Variants in CTIF observed in about 807,000 individuals in gnomAD.
CTIF encodes cap binding complex dependent translation initiation factor.
CTIF carries 21 observed loss-of-function variants against 66.0 expected under a neutral mutation model. The observed-to-expected ratio is 0.32, with a 90% CI of 0.23 to 0.46. The LOEUF is 0.46. CTIF is among the 20% of genes least tolerant of loss of function. CTIF has a pLI of 1.00. For synonymous variants in CTIF, 345 were observed against 326.4 expected (o/e 1.06, Z -0.62); for missense variants, 739 against 812.7 (o/e 0.91, Z 1.10).
intron 3 of CTIF, among the ~76,000 whole-genome samples, chr18:48,650,235 A>C (rs933677490): frequency 1.3e-5 from 2 of 152,232 alleles, no homozygotes; most frequent in Non-Finnish European, 2.9e-5. Flanking sequence ...CCCTTGAAAA[A>C]AGATTAGACA....
At chr18:48,546,977 G>A (rs1381654272) in intron 1 of CTIF, among the ~76,000 whole-genome samples, 1 of 152,236 alleles carries the variant, frequency 6.6e-6, no homozygotes, top group African/African-American at 2.4e-5. Context: ...TTGGGGGCCA[G>A]TGTCTTCCTG....
intron 6 of CTIF, among the ~76,000 whole-genome samples, chr18:48,701,509 A>C (rs998277259): frequency 3.8e-5 from 4 of 104,524 alleles, no homozygotes; most frequent in Non-Finnish European, 3.9e-5. Context: ...AGAGAGTCAC[A>C]GTCATCCTCC....
chr18:48,547,502 A>C (rs1298594754), intron 1 of CTIF, among the ~76,000 whole-genome samples: 1 of 152,212 alleles, frequency 6.6e-6, no homozygotes, highest in Non-Finnish European at 1.5e-5. Flanking sequence ...TCCTGACTGC[A>C]GCAGCGCTTG....
At chr18:48,601,599 C>G (rs2090092342) in intron 1 of CTIF, among the ~76,000 whole-genome samples, 1 of 152,190 alleles carries the variant, frequency 6.6e-6, no homozygotes, top group Non-Finnish European at 1.5e-5. Context: ...AGTCTCAGGA[C>G]AGCTATAAAC....
intron 7 of CTIF, among the ~76,000 whole-genome samples, chr18:48,717,159 G>A (rs2092289376): frequency 6.6e-6 from 1 of 152,158 alleles, no homozygotes. Flanking sequence ...AGCACTTTGG[G>A]AGGCTGAGAC....
intron 3 of CTIF, among the ~76,000 whole-genome samples, chr18:48,658,227 T>G (rs1344369128): frequency 1.3e-5 from 2 of 151,724 alleles, no homozygotes; most frequent in Non-Finnish European, 2.9e-5. Context: ...GATATGTGTG[T>G]GTGTGTATAT....
chr18:48,540,381 G>C (rs2088579489), intron 1 of CTIF: 1 of 151,670 alleles, frequency 6.6e-6, no homozygotes, highest in Admixed American at 6.6e-5. Context: ...CGGGCGGGGG[G>C]GCGATGGCTT....
chr18:48,630,255 C>T (rs1404803824), intron 2 of CTIF, among the ~76,000 whole-genome samples: 1 of 151,702 alleles, frequency 6.6e-6, no homozygotes, highest in East Asian at 2.0e-4. Context: ...CCCACGGTTT[C>T]AGGCATCCAC....
At chr18:48,591,873 A>G (rs1009947739) in intron 1 of CTIF, among the ~76,000 whole-genome samples, 1 of 152,064 alleles carries the variant, frequency 6.6e-6, no homozygotes, top group African/African-American at 2.4e-5. Flanking sequence ...TCAGCCTCCT[A>G]AGCAGCTGGT....
At chr18:48,849,582 CTTT>C (rs377281281) in intron 10 of CTIF, among the ~76,000 whole-genome samples, 9,487 of 113,904 alleles carry the variant, frequency 0.083, 277 homozygotes, top group African/African-American at 0.21. Flanking sequence ...CCATTTTAAA[CTTT>C]TTTTTTTTTT....
At chr18:48,847,197 C>A (rs1338005281) in intron 10 of CTIF, among the ~76,000 whole-genome samples, 11 of 151,406 alleles carry the variant, frequency 7.3e-5, no homozygotes. Flanking sequence ...AGTCCCAGCT[C>A]CTCAGGAGGC....
intron 3 of CTIF, among the ~76,000 whole-genome samples, chr18:48,655,810 A>G (rs2091238579): frequency 6.6e-6 from 1 of 152,198 alleles, no homozygotes; most frequent in South Asian, 2.1e-4. Context: ...CCAACAATAG[A>G]GAGCATCCTC....
At chr18:48,708,466 C>A (rs765656014) in intron 6 of CTIF, among the ~76,000 whole-genome samples, 4 of 152,196 alleles carry the variant, frequency 2.6e-5, no homozygotes, top group Non-Finnish European at 5.9e-5. Context: ...CAGTGCCCCC[C>A]ATTGCATGCA....
chr18:48,819,219 C>T (rs1259877104), intron 10 of CTIF, among the ~76,000 whole-genome samples: 2 of 152,262 alleles, frequency 1.3e-5, no homozygotes, highest in Non-Finnish European at 2.9e-5. Context: ...CTTTGTTTCA[C>T]TCTCAAAGTG....
intron 10 of CTIF, among the ~76,000 whole-genome samples, chr18:48,833,610 T>C (rs1180413770): frequency 9.9e-5 from 15 of 152,120 alleles, no homozygotes; most frequent in Admixed American, 8.5e-4. Context: ...CCGGGGACTT[T>C]CACATTTTGA....
intron 7 of CTIF, among the ~76,000 whole-genome samples, chr18:48,722,663 C>A (rs183591665): frequency 6.6e-6 from 1 of 151,434 alleles, no homozygotes; most frequent in Admixed American, 6.6e-5. Context: ...CGGCCGTACC[C>A]ATCAGCGCTC....
chr18:48,615,497 A>G (rs1174966394), intron 1 of CTIF, among the ~76,000 whole-genome samples: 1 of 152,208 alleles, frequency 6.6e-6, no homozygotes, highest in East Asian at 1.9e-4. Context: ...GAGGAGCTGA[A>G]ATCCCTGGGA....
At chr18:48,760,620 T>C (rs1908890973) in intron 8 of CTIF, 1 of 152,214 alleles carries the variant, frequency 6.6e-6, no homozygotes. Context: ...GCAGTTAAGT[T>C]GTTCCCATTC....
At chr18:48,683,142 G>A (rs9960934) in intron 6 of CTIF, 80,151 of 151,982 alleles carry the variant, frequency 0.53, 22,571 homozygotes, top group African/African-American at 0.72. Flanking sequence ...GGGTGGCAGG[G>A]GGAAGCCTCC....
Sources: allele counts gnomAD v4.1 joint callset (sites outside exome capture counted in the v4.1 genomes callset), GRCh38; gene constraint gnomAD v4.1.1; transcripts MANE v1.5; gene names NCBI Gene and HGNC (gene_info 2026-07-23, HGNC 2026-07-21).